FOXP1: variants seen among roughly 807,000 people sequenced by gnomAD.
The protein encoded by FOXP1 is forkhead box P1.
In FOXP1, 15 loss-of-function variants were observed where a neutral mutation model predicts 98.2. That is an observed-to-expected ratio of 0.15 (90% CI 0.10 to 0.24). FOXP1 has a LOEUF of 0.24. FOXP1 is among the 10% of genes least tolerant of loss of function. The pLI, the probability that FOXP1 is intolerant of heterozygous loss-of-function variation, is 1.00. For missense variants in FOXP1, 633 were observed against 848.5 expected, an observed-to-expected ratio of 0.75 and a Z score of 3.15; for synonymous variants, 371 against 314.5, an observed-to-expected ratio of 1.18 and a Z score of -1.90.
intron 2 of FOXP1, among the ~76,000 whole-genome samples, chr3:71,545,281 G>A (rs939759002): frequency 6.6e-6 from 1 of 152,180 alleles, no homozygotes; most frequent in African/African-American, 2.4e-5. Context: ...GTTTGTCTGG[G>A]CCTAATTTTC....
intron 3 of FOXP1, among the ~76,000 whole-genome samples, chr3:71,444,805 A>ATT (rs1451867983): frequency 6.6e-6 from 1 of 152,210 alleles, no homozygotes; most frequent in African/African-American, 2.4e-5. Flanking sequence ...TGCTGCAGAC[A>ATT]GAAAGGCAAC....
chr3:71,570,292 T>C (rs2047236235), intron 2 of FOXP1: 1 of 151,812 alleles, frequency 6.6e-6, no homozygotes, highest in African/African-American at 2.4e-5. Flanking sequence ...TTTTTAAAGA[T>C]ATGGCTATGG....
chr3:71,547,570 G>A (rs2045461405), intron 2 of FOXP1, among the ~76,000 whole-genome samples: 1 of 152,190 alleles, frequency 6.6e-6, no homozygotes, highest in South Asian at 2.1e-4. Flanking sequence ...CACACTTAAG[G>A]GGCAATGCAT....
intron 2 of FOXP1, among the ~76,000 whole-genome samples, chr3:71,528,429 T>C (rs2043568831): frequency 6.6e-6 from 1 of 152,240 alleles, no homozygotes. Context: ...AGAGACTTGA[T>C]TGACTTCCAC....
chr3:71,576,897 T>C (rs2047761747), intron 2 of FOXP1, among the ~76,000 whole-genome samples: 1 of 152,184 alleles, frequency 6.6e-6, no homozygotes, highest in African/African-American at 2.4e-5. Context: ...AAACATTTTT[T>C]TCTCACTCTA....
intron 5 of FOXP1, among the ~76,000 whole-genome samples, chr3:71,274,968 T>C (rs767891868): frequency 1.1e-4 from 16 of 152,186 alleles, no homozygotes; most frequent in Non-Finnish European, 1.9e-4. Context: ...ATACACATAA[T>C]TAAACAGCAC....
chr3:71,573,569 A>C (rs916989349), intron 2 of FOXP1: 3 of 152,218 alleles, frequency 2.0e-5, no homozygotes, highest in African/African-American at 7.2e-5. Flanking sequence ...AAATAAGATG[A>C]ACACATTTAA....
intron 7 of FOXP1, among the ~76,000 whole-genome samples, chr3:71,109,280 G>A (rs1246579998): frequency 2.0e-5 from 3 of 152,078 alleles, no homozygotes. Flanking sequence ...GATCTCTATC[G>A]AGTAACCACT....
chr3:71,320,588 T>G (rs1396528334), intron 4 of FOXP1, among the ~76,000 whole-genome samples: 1 of 152,168 alleles, frequency 6.6e-6, no homozygotes, highest in Non-Finnish European at 1.5e-5. Context: ...TTGTACACAG[T>G]ACTTGTCCTA....
chr3:71,054,973 TA>T (rs199985666), intron 7 of FOXP1, among the ~76,000 whole-genome samples: 52 of 146,832 alleles, frequency 3.5e-4, no homozygotes, highest in Non-Finnish European at 4.1e-4. Flanking sequence ...GTGTGCTACT[TA>T]AAAAAAAAAA....
intron 4 of FOXP1, among the ~76,000 whole-genome samples, chr3:71,316,791 G>A (rs1259100720): frequency 6.6e-6 from 1 of 151,758 alleles, no homozygotes; most frequent in Non-Finnish European, 1.5e-5. Flanking sequence ...CTGAGTAGCT[G>A]GGACTACAGG....
At chr3:71,344,836 T>TA (rs35662824) in intron 4 of FOXP1, among the ~76,000 whole-genome samples, 67,453 of 150,280 alleles carry the variant, frequency 0.45, 15,696 homozygotes, top group East Asian at 0.72. Context: ...CCGTCTCAAT[T>TA]AAAAAAAAAA....
At chr3:71,199,919 T>C (rs545766288) in intron 5 of FOXP1, among the ~76,000 whole-genome samples, 1 of 150,500 alleles carries the variant, frequency 6.6e-6, no homozygotes, top group Non-Finnish European at 1.5e-5. Context: ...CTACTAAAAA[T>C]ACAAAAATTA....
chr3:71,046,986 A>G lies in FOXP1; in HGVS notation c.620T>C (p.Ile207Thr). 1 of 1,614,092 alleles carries G rather than the reference A, an allele frequency of 6.2e-7. No homozygotes were observed. Among genetic ancestry groups the G allele is most frequent in the Non-Finnish European group, 8.5e-7 (1 of 1,179,976 alleles). ...GGGAAGGGCAGGCTGCCCGGGCTGA[A>G]TTGTCAGAAGGCCTTGGCGCTGCAA... ...LSLQRQGLLTIQPGQPALPLQ... is the reference protein window; with the variant it reads ...LSLQRQGLLTTQPGQPALPLQ... The change falls in exon 10 of 21, where the codon ATT becomes ACT. Residue 207 changes from isoleucine (I) to threonine (T), a missense_variant. Physicochemically the swap from Ile to Thr is moderately conservative, Grantham distance 89. Coordinates refer to ENST00000649528, the MANE Select transcript of FOXP1 (RefSeq NM_001349338.3).
intron 6 of FOXP1, among the ~76,000 whole-genome samples, chr3:71,181,043 A>AG (rs1340848200): frequency 6.6e-6 from 1 of 152,218 alleles, no homozygotes; most frequent in Non-Finnish European, 1.5e-5. Flanking sequence ...TTCTAAATGA[A>AG]GGTTTGCCTG....
chr3:70,994,235 C>A (rs931608955), intron 13 of FOXP1, among the ~76,000 whole-genome samples: 1 of 151,186 alleles, frequency 6.6e-6, no homozygotes. Context: ...CATTCAATAG[C>A]TCTCTCCCAC....
intron 5 of FOXP1, among the ~76,000 whole-genome samples, chr3:71,217,980 C>G (rs1202551470): frequency 1.3e-5 from 2 of 152,132 alleles, no homozygotes; most frequent in African/African-American, 2.4e-5. Flanking sequence ...TTCATTGTGT[C>G]GACATCCTCC....
At position 70,957,447 on chromosome 3, in the gene FOXP1, G is replaced by A. The variant is rs1263787624; in HGVS notation, c.*1800C>T. 1 of 230,206 alleles carries A rather than the reference G, an allele frequency of 4.3e-6. No individual in the cohort carries two copies. Among genetic ancestry groups the A allele is most frequent in the Non-Finnish European group, 8.6e-6 (1 of 116,042 alleles). 14.3% of individuals were successfully genotyped at this position (230,206 alleles called of 1,614,324 possible). A position where few individuals can be genotyped will look rare whatever the true frequency, so the allele number is the denominator to read the frequency against. On this transcript the variant is annotated 3_prime_UTR_variant, in exon 21 of 21. Coordinates refer to ENST00000649528, the MANE Select transcript of FOXP1 (RefSeq NM_001349338.3). ...TTTTGCCTCCTTTGATCAACAATAAGAGGATATTTGGCTTCATCAGATAAA... is the reference window on the plus strand; with the variant it reads ...TTTTGCCTCCTTTGATCAACAATAAAAGGATATTTGGCTTCATCAGATAAA...
intron 5 of FOXP1, among the ~76,000 whole-genome samples, chr3:71,271,413 A>G (rs1180980445): frequency 1.3e-5 from 2 of 152,234 alleles, no homozygotes; most frequent in Non-Finnish European, 2.9e-5. Context: ...GCTGCCCACC[A>G]ATTCGGTGTG....
Sources: gnomAD v4.1 joint callset for allele counts (sites outside exome capture counted in the v4.1 genomes callset) on GRCh38, gnomAD v4.1.1 for gene constraint, MANE v1.5 for transcripts, NCBI Gene and HGNC (gene_info 2026-07-23, HGNC 2026-07-21) for gene names.